The following PPARGC1A variants were observed in gnomAD, a reference collection of about 807,000 sequenced individuals.
The protein encoded by PPARGC1A is peroxisome proliferator-activated receptor gamma coactivator 1-alpha.
A neutral mutation model predicts 88.7 loss-of-function variants in PPARGC1A; 25 were observed. That is an observed-to-expected ratio of 0.28 (90% CI 0.21 to 0.39). The LOEUF (loss-of-function observed/expected upper bound fraction) is 0.39, where lower values mean the gene tolerates loss of function less well. Ranked by LOEUF, PPARGC1A falls within the 10% of genes least tolerant of loss-of-function variation. PPARGC1A has a pLI of 1.00. For synonymous variants in PPARGC1A, 363 were observed against 355.6 expected (o/e 1.02, Z -0.24); for missense variants, 880 against 968.7 (o/e 0.91, Z 1.22).
the PPARGC1A span, among the ~76,000 whole-genome samples, chr4:24,392,275 A>G: frequency 3.9e-5 from 6 of 152,348 alleles, no homozygotes; most frequent in African/African-American, 1.4e-4. Flanking sequence ...TTCTCACTTC[A>G]TAGACCACCA....
chr4:24,186,208 G>C, the PPARGC1A span, among the ~76,000 whole-genome samples: 1 of 152,088 alleles, frequency 6.6e-6, no homozygotes, highest in African/African-American at 2.4e-5. Flanking sequence ...CAAAGAGCAA[G>C]AGAGAGATAA....
chr4:24,438,789 A>G, the PPARGC1A span, among the ~76,000 whole-genome samples: 3 of 151,994 alleles, frequency 2.0e-5, no homozygotes, highest in Admixed American at 1.3e-4. Context: ...TGAGTCCGTT[A>G]GTGAAAGGGA....
Position 23,813,835 on chromosome 4 carries a change from A to G in PPARGC1A, c.1648T>C (p.Ser550Pro), listed in dbSNP as rs1330324505. ...AATAAGGATTTGGGTGGTGACACAG[A>G]ATCTCTACATGGAGAGTTAAAAGAA... Reference protein sequence around the residue: ...CSSFNSPCRDSVSPPKSLFSQ... With the variant: ...CSSFNSPCRDPVSPPKSLFSQ... Residue 550 changes from serine (S) to proline (P), a missense_variant, in exon 8 of 13, where the codon TCT becomes CCT. Transcript: ENST00000264867. 6.2e-7 allele frequency: 1 copy of G among 1,613,930 alleles called. No homozygotes were observed. The highest frequency in any genetic ancestry group is 1.3e-5 in the African/African-American group (1 of 74,914).
At chr4:24,452,092 A>C in the PPARGC1A span, among the ~76,000 whole-genome samples, 1 of 152,052 alleles carries the variant, frequency 6.6e-6, no homozygotes, top group Admixed American at 6.6e-5. Context: ...TCCCCTGAGC[A>C]AGAAGGAATA....
At chr4:24,148,119 C>G in the PPARGC1A span, among the ~76,000 whole-genome samples, 4 of 152,286 alleles carry the variant, frequency 2.6e-5, no homozygotes, top group African/African-American at 9.6e-5. Context: ...AACATCTGAT[C>G]AGCTTGCATT....
chr4:24,377,878 G>A, the PPARGC1A span, among the ~76,000 whole-genome samples: 7 of 152,208 alleles, frequency 4.6e-5, no homozygotes, highest in Non-Finnish European at 8.8e-5. Flanking sequence ...ACAGTTGCAT[G>A]CAGGGAAAAC....
chr4:23,831,596 G>A lies in PPARGC1A; in HGVS notation c.390C>T (p.Asp130=), dbSNP rs35891516. The change falls in exon 3 of 13, where the codon GAC becomes GAT. Residue 130 remains aspartate (D), a synonymous_variant. Coordinates refer to ENST00000264867, the MANE Select transcript of PPARGC1A (RefSeq NM_013261.5). ...DNEASPSSMP[D]GTPPPQEAEE... ...CTGCCTCCTGGGGTGGAGGGGTGCC[G>A]TCAGGCATGGAGGAAGGACTAGCCT... 1.0e-3 allele frequency: 1,629 copies of A among 1,614,094 alleles called. 15 individuals carry two copies. The African/African-American group carries it at 0.019, about 19-fold the overall frequency.
At chr4:24,242,601 A>G in the PPARGC1A span, among the ~76,000 whole-genome samples, 1 of 152,120 alleles carries the variant, frequency 6.6e-6, no homozygotes, top group African/African-American at 2.4e-5. Context: ...TTCTCCCTCT[A>G]CTGATCTATC....
chr4:24,065,474 C>T, the PPARGC1A span, among the ~76,000 whole-genome samples: 1 of 152,196 alleles, frequency 6.6e-6, no homozygotes. Context: ...CTCCGTTCGG[C>T]AATGCCTTCA....
the PPARGC1A span, among the ~76,000 whole-genome samples, chr4:24,113,211 T>C: frequency 1.1e-4 from 16 of 152,276 alleles, no homozygotes; most frequent in Middle Eastern, 3.4e-3. Flanking sequence ...ACAATTGATA[T>C]GTACCCAGCA....
At chr4:24,461,113 T>C in the PPARGC1A span, among the ~76,000 whole-genome samples, 2 of 152,116 alleles carry the variant, frequency 1.3e-5, no homozygotes, top group South Asian at 4.1e-4. Flanking sequence ...GTTGTAGAGG[T>C]GGGTCTTGCT....
chr4:23,910,353 TATATTATATATATTATATTATATTATA>T, the PPARGC1A span, among the ~76,000 whole-genome samples: 34 of 85,078 alleles, frequency 4.0e-4, no homozygotes, highest in African/African-American at 1.8e-3. Flanking sequence ...ATATATTATA[TATATTATATATATTATATTATATTATA>T]TATATTATAT....
At chr4:24,276,527 G>T in the PPARGC1A span, among the ~76,000 whole-genome samples, 1 of 152,096 alleles carries the variant, frequency 6.6e-6, no homozygotes, top group African/African-American at 2.4e-5. Context: ...CCTTCCCCAG[G>T]TTATTCTTCA....
the PPARGC1A span, among the ~76,000 whole-genome samples, chr4:23,972,648 T>A: frequency 6.6e-6 from 1 of 152,242 alleles, no homozygotes; most frequent in Admixed American, 6.5e-5. Flanking sequence ...TGTCTCATAC[T>A]ATGTTTCTCT....
At chr4:24,042,714 T>C in the PPARGC1A span, among the ~76,000 whole-genome samples, 8 of 152,206 alleles carry the variant, frequency 5.3e-5, no homozygotes, top group Non-Finnish European at 1.2e-4. Flanking sequence ...AGTCACTTTT[T>C]AAAATATATA....
chr4:24,281,700 C>T, the PPARGC1A span, among the ~76,000 whole-genome samples: 1 of 152,188 alleles, frequency 6.6e-6, no homozygotes, highest in South Asian at 2.1e-4. Context: ...TTGTCTTCCC[C>T]TAATAAACCA....
intron 2 of PPARGC1A, among the ~76,000 whole-genome samples, chr4:23,850,167 G>C (rs908715366): frequency 6.6e-6 from 1 of 152,146 alleles, no homozygotes; most frequent in Non-Finnish European, 1.5e-5. Context: ...TTGTGGTTTT[G>C]GTCATCACTT....
At chr4:23,925,246 A>G in the PPARGC1A span, among the ~76,000 whole-genome samples, 4 of 152,286 alleles carry the variant, frequency 2.6e-5, no homozygotes, top group South Asian at 4.1e-4. Context: ...GTCATTATCA[A>G]TCAATCTAGG....
At chr4:24,257,940 A>G in the PPARGC1A span, among the ~76,000 whole-genome samples, 1 of 152,186 alleles carries the variant, frequency 6.6e-6, no homozygotes, top group Admixed American at 6.5e-5. Context: ...AATAATATAC[A>G]GACATATTTA....
Sources: gnomAD v4.1 joint callset for allele counts (sites outside exome capture counted in the v4.1 genomes callset) on GRCh38, gnomAD v4.1.1 for gene constraint, MANE v1.5 for transcripts, NCBI Gene and HGNC (gene_info 2026-07-23, HGNC 2026-07-21) for gene names.